TCF12: variants seen among roughly 807,000 people sequenced by gnomAD.
The protein encoded by TCF12 is DNA-binding protein HTF4.
TCF12 carries 45 observed loss-of-function variants against 86.0 expected under a neutral mutation model. That is an observed-to-expected ratio of 0.52 (90% CI 0.41 to 0.67). The LOEUF (loss-of-function observed/expected upper bound fraction) is 0.67, where lower values mean the gene tolerates loss of function less well. Among genes scored for constraint, TCF12 ranks in the 30% least tolerant of loss-of-function variants. The probability of loss-of-function intolerance (pLI) is 0.00; values close to 1 mark genes in which losing one functional copy is unlikely to be tolerated. For synonymous variants in TCF12, 330 were observed against 299.6 expected (o/e 1.10, Z -1.05); for missense variants, 881 against 859.9 (o/e 1.02, Z -0.31).
At chr15:56,951,491 A>G (rs2061274435) in intron 3 of TCF12, among the ~76,000 whole-genome samples, 1 of 151,854 alleles carries the variant, frequency 6.6e-6, no homozygotes, top group Admixed American at 6.6e-5. Context: ...TACTAGGTGG[A>G]TTGTCTTTTC....
chr15:57,219,004 A>G (rs2058452750), intron 8 of TCF12: 1 of 1,031,782 alleles, frequency 9.7e-7, no homozygotes, highest in African/African-American at 1.7e-5. Flanking sequence ...CCAATTCCTG[A>G]TTACTTGATC....
At chr15:57,163,129 A>G (rs1171712884) in intron 5 of TCF12, among the ~76,000 whole-genome samples, 1 of 152,038 alleles carries the variant, frequency 6.6e-6, no homozygotes, top group Non-Finnish European at 1.5e-5. Flanking sequence ...AGCCGAGACC[A>G]TGCCATTGCA....
intron 5 of TCF12, among the ~76,000 whole-genome samples, chr15:57,102,800 A>G (rs1333773024): frequency 6.6e-6 from 1 of 152,148 alleles, no homozygotes; most frequent in African/African-American, 2.4e-5. Context: ...TTTGTTTTCA[A>G]ATATGGGCAA....
intron 8 of TCF12, among the ~76,000 whole-genome samples, chr15:57,228,700 C>G (rs2058997475): frequency 6.6e-6 from 1 of 151,856 alleles, no homozygotes; most frequent in Non-Finnish European, 1.5e-5. Context: ...AAAGTTTATC[C>G]TTTGACTTCC....
At chr15:57,011,665 C>A (rs994896424) in intron 3 of TCF12, among the ~76,000 whole-genome samples, 2 of 152,060 alleles carry the variant, frequency 1.3e-5, no homozygotes, top group Non-Finnish European at 2.9e-5. Context: ...ATAACCAGCC[C>A]ACTGTCACCC....
intron 3 of TCF12, among the ~76,000 whole-genome samples, chr15:56,978,158 A>G (rs1190662735): frequency 4.6e-5 from 7 of 152,220 alleles, no homozygotes; most frequent in South Asian, 4.1e-4. Context: ...CACAGCTTCA[A>G]TACTGCAATG....
At chr15:57,029,058 C>G (rs2065989007) in intron 3 of TCF12, among the ~76,000 whole-genome samples, 1 of 152,106 alleles carries the variant, frequency 6.6e-6, no homozygotes, top group South Asian at 2.1e-4. Flanking sequence ...ACCTGGCCTC[C>G]CATAGTGCTA....
chr15:57,234,870 A>G (rs1265087083), intron 12 of TCF12, among the ~76,000 whole-genome samples: 3 of 152,112 alleles, frequency 2.0e-5, no homozygotes, highest in African/African-American at 7.2e-5. Context: ...TTGTTTTCTG[A>G]GTAGTATGCC....
At chr15:57,073,351 T>C in intron 4 of TCF12, among the ~76,000 whole-genome samples, 1 of 152,210 alleles carries the variant, frequency 6.6e-6, no homozygotes, top group East Asian at 1.9e-4. Context: ...CTGTTTAATA[T>C]TTTTTCCCTA....
At position 56,921,034 on chromosome 15, in the gene TCF12, C is replaced by T. The variant is rs1481487129; in HGVS notation, c.84C>T (p.Ser28=). The change falls in exon 3 of 21, where the codon TCC becomes TCT. Residue 28 remains serine, a synonymous_variant. Coordinates refer to ENST00000333725, the MANE Select transcript of TCF12 (RefSeq NM_207037.2). ...SDLLDFSAMF[S]PPVNSGKTRP... is the part of the protein sequence containing the mutation. ...TTTGGGTTATTTTGCAGATGTTTTCCCCACCTGTTAATAGTGGGAAAACTA... is the reference window on the plus strand; with the variant it reads ...TTTGGGTTATTTTGCAGATGTTTTCTCCACCTGTTAATAGTGGGAAAACTA... 4.4e-6 allele frequency: 7 copies of T among 1,596,720 alleles called. No homozygotes were observed. The highest frequency in any genetic ancestry group is 1.3e-5 in the African/African-American group (1 of 74,384).
chr15:57,047,730 A>G (rs187688601), intron 3 of TCF12, among the ~76,000 whole-genome samples: 1 of 152,244 alleles, frequency 6.6e-6, no homozygotes, highest in Non-Finnish European at 1.5e-5. Context: ...ATAAATATAC[A>G]ATATCTCAAA....
At chr15:57,215,431 A>T (rs1359795670) in intron 8 of TCF12, among the ~76,000 whole-genome samples, 1 of 152,162 alleles carries the variant, frequency 6.6e-6, no homozygotes, top group African/African-American at 2.4e-5. Context: ...TCCTTTAGGA[A>T]AATATAGTGT....
intron 5 of TCF12, among the ~76,000 whole-genome samples, chr15:57,157,221 C>T (rs1303506361): frequency 4.6e-5 from 7 of 151,414 alleles, no homozygotes; most frequent in African/African-American, 1.7e-4. Flanking sequence ...ATGAGATAAA[C>T]ATTAAGACAC....
At chr15:57,151,914 C>CA (rs1396126234) in intron 5 of TCF12, among the ~76,000 whole-genome samples, 1 of 152,192 alleles carries the variant, frequency 6.6e-6, no homozygotes, top group African/African-American at 2.4e-5. Context: ...GAGTACTAAG[C>CA]AATAGCAGTC....
chr15:57,189,492 A>G (rs377485507), intron 6 of TCF12, among the ~76,000 whole-genome samples: 6 of 152,236 alleles, frequency 3.9e-5, no homozygotes, highest in African/African-American at 1.2e-4. Flanking sequence ...AAGATGCCCA[A>G]TATCATTAGT....
intron 3 of TCF12, among the ~76,000 whole-genome samples, chr15:57,012,369 C>A (rs1316592271): frequency 1.3e-5 from 2 of 152,072 alleles, no homozygotes; most frequent in Non-Finnish European, 2.9e-5. Context: ...TATTTTGGTT[C>A]AGTTAGAACT....
At chr15:56,969,100 C>T (rs1446324123) in intron 3 of TCF12, among the ~76,000 whole-genome samples, 11 of 152,246 alleles carry the variant, frequency 7.2e-5, no homozygotes, top group Admixed American at 2.6e-4. Flanking sequence ...CCTTTGTCAA[C>T]AAGGAATTTC....
intron 3 of TCF12, among the ~76,000 whole-genome samples, chr15:57,000,036 C>A (rs1290423934): frequency 6.6e-6 from 1 of 151,832 alleles, no homozygotes. Context: ...TAAACTTTCT[C>A]ATTTTTCTCT....
At chr15:57,011,828 C>T (rs1226994728) in intron 3 of TCF12, among the ~76,000 whole-genome samples, 1 of 152,090 alleles carries the variant, frequency 6.6e-6, no homozygotes, top group Admixed American at 6.5e-5. Context: ...GCAGACTTTC[C>T]ATCAATTTTT....
Sources: allele counts gnomAD v4.1 joint callset (sites outside exome capture counted in the v4.1 genomes callset), GRCh38; gene constraint gnomAD v4.1.1; transcripts MANE v1.5; gene names NCBI Gene and HGNC (gene_info 2026-07-23, HGNC 2026-07-21).